Variants in COG2 observed in about 807,000 individuals in gnomAD.
The protein encoded by COG2 is component of oligomeric golgi complex 2.
Under a neutral mutation model 90.6 loss-of-function variants are expected in COG2, and 52 were observed. That is an observed-to-expected ratio of 0.57 (90% CI 0.46 to 0.72). The LOEUF is 0.72. Ranked by LOEUF, COG2 falls within the 30% of genes least tolerant of loss-of-function variation. The probability of loss-of-function intolerance (pLI) is 0.00; values close to 1 mark genes in which losing one functional copy is unlikely to be tolerated. For missense variants in COG2, 829 were observed against 891.2 expected (o/e 0.93, Z 0.89); for synonymous variants, 337 against 320.4 (o/e 1.05, Z -0.55).
chr1:230,688,145 T>C lies in COG2; in HGVS notation c.1651+2T>C. On this transcript the variant is annotated splice_donor_variant, in intron 14 of 17. Coordinates refer to ENST00000366669, the MANE Select transcript of COG2 (RefSeq NM_007357.3). LOFTEE classifies it high-confidence loss of function. ...TTAAGAATTTTTCTTCTATCTCAGG[T>C]AAAAATGAATCTTGACTAAGCAAAT... 2 of 1,572,946 alleles carry C rather than the reference T, an allele frequency of 1.3e-6. No individual in the cohort carries two copies. Among genetic ancestry groups the C allele is most frequent in the Non-Finnish European group, 1.7e-6 (2 of 1,153,338 alleles).
chr1:230,659,995 T>TA, intron 2 of COG2, among the ~76,000 whole-genome samples: 1 of 152,224 alleles, frequency 6.6e-6, no homozygotes, highest in Non-Finnish European at 1.5e-5. Context: ...TTCAGATACA[T>TA]ACGCTAGCCA....
intron 1 of COG2, among the ~76,000 whole-genome samples, chr1:230,650,912 C>T (rs778969499): frequency 3.9e-5 from 6 of 151,974 alleles, no homozygotes; most frequent in Non-Finnish European, 7.4e-5. Context: ...TTTTTCTGCA[C>T]GTAGTGAATA....
intron 15 of COG2, among the ~76,000 whole-genome samples, chr1:230,689,413 G>A (rs1205019149): frequency 6.6e-6 from 1 of 152,190 alleles, no homozygotes; most frequent in East Asian, 1.9e-4. Context: ...TACATTTACT[G>A]AGAGTTTGTT....
At chr1:230,671,416 G>A (rs1662444995) in intron 7 of COG2, 100 bp from the exon 8 acceptor site, 2 of 1,032,026 alleles carry the variant, frequency 1.9e-6, no homozygotes, top group East Asian at 5.2e-5. Context: ...TGAGTGTGAG[G>A]AAGCAGATTT....
chr1:230,673,115 T>TA (rs1662494637), intron 8 of COG2, among the ~76,000 whole-genome samples: 1 of 152,198 alleles, frequency 6.6e-6, no homozygotes, highest in African/African-American at 2.4e-5. Flanking sequence ...AATCATGATG[T>TA]AAAATGAAGC....
chr1:230,669,998 G>A (rs1206992342), intron 7 of COG2: 2 of 153,058 alleles, frequency 1.3e-5, no homozygotes, highest in Admixed American at 6.5e-5. Flanking sequence ...AGTCTTCAGG[G>A]AATAAATGAC....
At chr1:230,679,601 A>G (rs1662684512) in intron 10 of COG2, 1 of 152,234 alleles carries the variant, frequency 6.6e-6, no homozygotes, top group Non-Finnish European at 1.5e-5. Context: ...CTATTCAGGA[A>G]AATGGTGACA....
In COG2 at chr1:230,679,034, C is replaced by T; in HGVS notation, c.1148C>T (p.Pro383Leu). The stretch of plus-strand genomic sequence containing the variant: ...AGCTTCAATAAGAAGTGGAACTTGC[C>T]TGTTTATTTTCAAATAAGGTTGGTC... ...YHSFNKKWNL[P>L]VYFQIRFREI... The change falls in exon 10 of 18, where the codon CCT (proline) becomes CTT (leucine). Residue 383 changes from proline to leucine, a missense_variant. Pro to Leu is a moderately conservative substitution (Grantham distance 98, BLOSUM62 -3). Coordinates refer to ENST00000366669, the MANE Select transcript of COG2 (RefSeq NM_007357.3). 1.2e-6 allele frequency: 2 copies of T among 1,612,584 alleles called. No individual in the cohort carries two copies. Among genetic ancestry groups the T allele is most frequent in the Non-Finnish European group, 8.5e-7 (1 of 1,178,810 alleles).
intron 7 of COG2, chr1:230,669,763 G>C (rs938688479): frequency 2.5e-6 from 1 of 393,966 alleles, no homozygotes; most frequent in Non-Finnish European, 4.5e-6. Flanking sequence ...GAATGCTGCG[G>C]CTCAGGCTTC....
chr1:230,679,327 C>T, intron 10 of COG2: 1 of 280,470 alleles, frequency 3.6e-6, no homozygotes, highest in Non-Finnish European at 6.6e-6. Flanking sequence ...CTCATTCCCA[C>T]CCACCATGTC....
chr1:230,651,290 G>A (rs530301743), intron 1 of COG2, among the ~76,000 whole-genome samples: 1 of 152,202 alleles, frequency 6.6e-6, no homozygotes, highest in African/African-American at 2.4e-5. Flanking sequence ...CGTTCAGCAT[G>A]GGGCAGCTTG....
chr1:230,693,300 G>A lies in COG2; in HGVS notation c.2124G>A (p.Lys708=). 6.2e-7 allele frequency: 1 copy of A among 1,609,636 alleles called. No individual in the cohort carries two copies. The highest frequency in any genetic ancestry group is 8.5e-7 in the Non-Finnish European group (1 of 1,176,172). The stretch of plus-strand genomic sequence containing the variant: ...TCTCATGGCCTTTGCAGATACAAAA[G>A]TTGGGACTACAAGCAAGTGACATAA... The part of the protein sequence containing the change: ...DVEYLGEQIQ[K]LGLQASDIKS... The change falls in exon 18 of 18, where the codon AAG becomes AAA. Residue 708 remains lysine, a synonymous_variant. Coordinates refer to ENST00000366669, the MANE Select transcript of COG2 (RefSeq NM_007357.3).
intron 10 of COG2, chr1:230,680,293 G>C (rs1293547383): frequency 6.6e-6 from 1 of 152,020 alleles, no homozygotes; most frequent in Admixed American, 6.6e-5. Flanking sequence ...TTTGGAGTTA[G>C]ATTGCTTTAG....
chr1:230,671,782 T>C (rs1196488754), intron 8 of COG2, 142 bp downstream of exon 8: 1 of 733,474 alleles, frequency 1.4e-6, no homozygotes, highest in African/African-American at 1.8e-5. Context: ...TCATTGTTTC[T>C]ACTGGTGATA....
chr1:230,671,153 A>C (rs1349153418), intron 7 of COG2: 7 of 155,114 alleles, frequency 4.5e-5, no homozygotes, highest in African/African-American at 1.7e-4. Flanking sequence ...CCCTAATCTG[A>C]ATGATGGTAG....
chr1:230,652,290 T>G (rs1399934002), intron 1 of COG2, among the ~76,000 whole-genome samples: 4 of 152,198 alleles, frequency 2.6e-5, no homozygotes, highest in Non-Finnish European at 5.9e-5. Context: ...ATGTATGCAG[T>G]AGGAATCATA....
chr1:230,673,504 C>T (rs1662507853), intron 8 of COG2, among the ~76,000 whole-genome samples: 1 of 152,230 alleles, frequency 6.6e-6, no homozygotes, highest in Non-Finnish European at 1.5e-5. Context: ...AATCCATCAA[C>T]TGTTAATCTT....
chr1:230,689,916 C>G, intron 15 of COG2, 98 bp from the exon 16 acceptor site: 7 of 1,245,660 alleles, frequency 5.6e-6, no homozygotes, highest in Middle Eastern at 2.1e-4. Context: ...AAAACTAGAA[C>G]GTTAATAGTA....
At position 230,642,527 on chromosome 1, in the gene COG2, C is replaced by A; in HGVS notation, c.-80C>A. Reference sequence around the variant, plus strand: ...CCTGTGCCGTGGAAACTGGCGGTGGCCGCGGCCGCCGAGTCGGTCTGCGCA... The same window carrying A: ...CCTGTGCCGTGGAAACTGGCGGTGGACGCGGCCGCCGAGTCGGTCTGCGCA... On this transcript the variant is annotated 5_prime_UTR_variant, in exon 1 of 18. Coordinates refer to ENST00000366669, the MANE Select transcript of COG2 (RefSeq NM_007357.3). 1 of 1,435,558 alleles carries A rather than the reference C, an allele frequency of 7.0e-7. No individual in the cohort carries two copies. Among genetic ancestry groups the A allele is most frequent in the Non-Finnish European group, 9.6e-7 (1 of 1,045,406 alleles). The allele number at this position is 1,435,558 out of a possible 1,614,324, so 88.9% of individuals were successfully genotyped here. A position where few individuals can be genotyped will look rare whatever the true frequency, so the allele number is the denominator to read the frequency against.
Sources: gnomAD v4.1 joint callset for allele counts (sites outside exome capture counted in the v4.1 genomes callset) on GRCh38, gnomAD v4.1.1 for gene constraint, MANE v1.5 for transcripts, NCBI Gene and HGNC (gene_info 2026-07-23, HGNC 2026-07-21) for gene names.